Variants in RGS7 observed in about 807,000 individuals in gnomAD.
The protein encoded by RGS7 is regulator of G protein signaling 7, also known as regulator of G-protein signaling 7.
In RGS7, 27 loss-of-function variants were observed where a neutral mutation model predicts 81.1. The observed-to-expected ratio is 0.33, with a 90% CI of 0.25 to 0.46. The LOEUF is 0.46. Ranked by LOEUF, RGS7 falls within the 20% of genes least tolerant of loss-of-function variation. RGS7 has a pLI of 1.00. For synonymous variants in RGS7, 208 were observed against 207.7 expected, an observed-to-expected ratio of 1.00 and a Z score of -0.01; for missense variants, 396 against 607.4, an observed-to-expected ratio of 0.65 and a Z score of 3.66.
At chr1:241,166,407 G>C (rs530277696) in intron 2 of RGS7, among the ~76,000 whole-genome samples, 1 of 152,268 alleles carries the variant, frequency 6.6e-6, no homozygotes, top group East Asian at 1.9e-4. Context: ...GTAGATCTGA[G>C]GTGCAGAGAT....
At chr1:240,918,238 C>A (rs1319565341) in intron 6 of RGS7, among the ~76,000 whole-genome samples, 1 of 151,870 alleles carries the variant, frequency 6.6e-6, no homozygotes, top group African/African-American at 2.4e-5. Context: ...CTAAGCAGCA[C>A]CATCAATCAG....
chr1:241,333,185 T>C (rs144922296), intron 2 of RGS7, among the ~76,000 whole-genome samples: 4 of 152,336 alleles, frequency 2.6e-5, no homozygotes, highest in Admixed American at 1.3e-4. Context: ...TGCTACAATA[T>C]TGTCATTTGC....
At chr1:240,920,282 T>A in intron 6 of RGS7, 1 of 1,338,994 alleles carries the variant, frequency 7.5e-7, no homozygotes, top group Non-Finnish European at 1.1e-6. Flanking sequence ...GTGGTTTTGG[T>A]GGGAATGACA....
In RGS7 at chr1:241,310,394, A is replaced by T. The variant is rs200542182; in HGVS notation, c.78+45305T>A. 5.4e-5 allele frequency among the ~76,000 whole-genome samples: 8 copies of T among 149,082 alleles called. No individual in the cohort carries two copies. In the East Asian group the frequency reaches 7.9e-4, roughly 15 times the overall value. On this transcript the variant is annotated intron_variant, in intron 2 of 18. Transcript: ENST00000440928. Reference sequence around the variant, plus strand: ...GTGTGTGTGTATGAGTGTGCGTGTGAGTGTGTTTGTGTGTCTGTGTGTGTG... The same window carrying T: ...GTGTGTGTGTATGAGTGTGCGTGTGTGTGTGTTTGTGTGTCTGTGTGTGTG...
chr1:240,776,142 T>A lies in RGS7; in HGVS notation c.*78A>T. 1 of 1,592,356 alleles carries A rather than the reference T, an allele frequency of 6.3e-7. No individual in the cohort carries two copies. Among genetic ancestry groups the A allele is most frequent in the Non-Finnish European group, 8.6e-7 (1 of 1,160,266 alleles). On this transcript the variant is annotated 3_prime_UTR_variant, in exon 19 of 19. Transcript: ENST00000440928. The stretch of plus-strand genomic sequence containing the variant: ...TGTGTGCAGTGACTCCAGTCTGCAT[T>A]CATGCTACAAGATGATCCGTTTAGT...
chr1:241,229,493 C>T (rs988760235), intron 2 of RGS7, among the ~76,000 whole-genome samples: 4 of 152,196 alleles, frequency 2.6e-5, no homozygotes, highest in Non-Finnish European at 5.9e-5. Context: ...TCCAGTCATC[C>T]GGTGCCATCT....
At chr1:240,894,933 A>G (rs1668801812) in intron 6 of RGS7, among the ~76,000 whole-genome samples, 1 of 152,134 alleles carries the variant, frequency 6.6e-6, no homozygotes, top group Non-Finnish European at 1.5e-5. Context: ...ATTTGTCCCC[A>G]CCCAAATTTC....
chr1:241,071,217 CAG>C (rs2148867021), intron 3 of RGS7, among the ~76,000 whole-genome samples: 1 of 152,200 alleles, frequency 6.6e-6, no homozygotes, highest in African/African-American at 2.4e-5. Flanking sequence ...GGATATTTCT[CAG>C]AGACAGCATG....
At chr1:240,893,226 C>T (rs192392716) in intron 6 of RGS7, among the ~76,000 whole-genome samples, 7 of 152,206 alleles carry the variant, frequency 4.6e-5, no homozygotes, top group African/African-American at 1.7e-4. Context: ...TCTTAAAGGA[C>T]CTAGAGTGTT....
At chr1:240,925,759 C>T (rs1674335671) in intron 6 of RGS7, among the ~76,000 whole-genome samples, 1 of 152,164 alleles carries the variant, frequency 6.6e-6, no homozygotes. Flanking sequence ...TATAAACATT[C>T]TGTTTTCTCC....
intron 3 of RGS7, among the ~76,000 whole-genome samples, chr1:241,055,882 T>C (rs944981911): frequency 6.6e-6 from 1 of 152,190 alleles, no homozygotes; most frequent in African/African-American, 2.4e-5. Context: ...ACTTGTCACT[T>C]TGGAGATTCC....
chr1:240,938,821 C>CGTGTGTGT (rs112229453), intron 4 of RGS7, among the ~76,000 whole-genome samples: 1 of 146,490 alleles, frequency 6.8e-6, no homozygotes, highest in South Asian at 2.2e-4. Flanking sequence ...CAATTTTGTG[C>CGTGTGTGT]GTGTGTGTGT....
chr1:241,127,687 T>C (rs952337513), intron 2 of RGS7, among the ~76,000 whole-genome samples: 1 of 152,068 alleles, frequency 6.6e-6, no homozygotes, highest in Non-Finnish European at 1.5e-5. Context: ...AAACTTAAAG[T>C]ATAATAATAA....
At chr1:240,997,468 A>G (rs1687466684) in intron 3 of RGS7, among the ~76,000 whole-genome samples, 1 of 151,976 alleles carries the variant, frequency 6.6e-6, no homozygotes, top group African/African-American at 2.4e-5. Flanking sequence ...TAATTCCTCT[A>G]TGTACATTTA....
chr1:240,861,935 A>T (rs2147986294), intron 9 of RGS7, among the ~76,000 whole-genome samples: 1 of 152,278 alleles, frequency 6.6e-6, no homozygotes, highest in Non-Finnish European at 1.5e-5. Flanking sequence ...TGTTAATACA[A>T]GCTACTAACG....
At chr1:240,944,760 C>T (rs1053173440) in intron 4 of RGS7, among the ~76,000 whole-genome samples, 1 of 152,212 alleles carries the variant, frequency 6.6e-6, no homozygotes, top group South Asian at 2.1e-4. Flanking sequence ...TGTCACCAGT[C>T]TGGAGTGCAG....
intron 3 of RGS7, among the ~76,000 whole-genome samples, chr1:241,073,248 T>C (rs761862649): frequency 6.6e-6 from 1 of 152,254 alleles, no homozygotes; most frequent in Non-Finnish European, 1.5e-5. Context: ...TTACCACCTT[T>C]CGAACATTTC....
At chr1:241,199,196 C>T (rs1241207947) in intron 2 of RGS7, among the ~76,000 whole-genome samples, 1 of 152,082 alleles carries the variant, frequency 6.6e-6, no homozygotes, top group African/African-American at 2.4e-5. Flanking sequence ...CGGTCTCACG[C>T]CTGTAATCCC....
intron 9 of RGS7, among the ~76,000 whole-genome samples, chr1:240,848,412 T>C (rs1659485369): frequency 6.6e-6 from 1 of 152,142 alleles, no homozygotes; most frequent in African/African-American, 2.4e-5. Context: ...TAAATGCTAA[T>C]AGATAAAACT....
Sources: gnomAD v4.1 joint callset for allele counts (sites outside exome capture counted in the v4.1 genomes callset) on GRCh38, gnomAD v4.1.1 for gene constraint, MANE v1.5 for transcripts, NCBI Gene and HGNC (gene_info 2026-07-23, HGNC 2026-07-21) for gene names.